Variants in ZNF236 observed in about 807,000 individuals in gnomAD.
The protein encoded by ZNF236 is zinc finger protein 236, also known as regulated by glucose.
Under a neutral mutation model 191.2 loss-of-function variants are expected in ZNF236, and 50 were observed. The observed-to-expected ratio is 0.26, with a 90% CI of 0.21 to 0.33. The LOEUF (loss-of-function observed/expected upper bound fraction) is 0.33. Among genes scored for constraint, ZNF236 ranks in the 10% least tolerant of loss-of-function variants. The probability of loss-of-function intolerance (pLI) is 1.00; values close to 1 mark genes in which losing one functional copy is unlikely to be tolerated. For missense variants in ZNF236, 1,754 were observed against 2,374.5 expected (o/e 0.74, Z 5.43); for synonymous variants, 907 against 928.8 (o/e 0.98, Z 0.43).
chr18:76,969,265 G>A lies in ZNF236; in HGVS notation c.*926G>A, dbSNP rs1455529894. 6.5e-6 allele frequency: 1 copy of A among 152,712 alleles called. No homozygotes were observed. Among genetic ancestry groups the A allele is most frequent in the Non-Finnish European group, 1.5e-5 (1 of 68,170 alleles). The allele number at this position is 152,712 out of a possible 1,614,324, so 9.5% of individuals were successfully genotyped here. On this transcript the variant is annotated 3_prime_UTR_variant, in exon 31 of 31. Coordinates refer to ENST00000320610, the MANE Select transcript of ZNF236 (RefSeq NM_001306089.2). ...ATAAACAGATGTATTTTTGATTTCAGGGAATTCTTTAGTATCGTCAATGGT... is the reference window on the plus strand; with the variant it reads ...ATAAACAGATGTATTTTTGATTTCAAGGAATTCTTTAGTATCGTCAATGGT...
At chr18:76,859,899 G>A (rs1037238291) in intron 3 of ZNF236, among the ~76,000 whole-genome samples, 1 of 152,198 alleles carries the variant, frequency 6.6e-6, no homozygotes, top group African/African-American at 2.4e-5. Flanking sequence ...TCTGCATGGG[G>A]TGCCTATTTT....
rs747119127 is a variant in ZNF236, at chr18:76,871,681, G to GC, written c.543-14dup. The stretch of plus-strand genomic sequence containing the variant: ...AGGGAGACATCTTACTGTGTATTTT[G>GC]CCCCCCTTTATTACACTAGGGTATC... On this transcript the variant is annotated intron_variant, in intron 4 of 30. Transcript: ENST00000320610. 3.4e-5 allele frequency: 55 copies of GC among 1,613,470 alleles called. No individual in the cohort carries two copies. In the East Asian group the frequency reaches 1.2e-3, roughly 35 times the overall value.
chr18:76,852,484 C>G (rs1294410737), intron 3 of ZNF236, among the ~76,000 whole-genome samples: 1 of 151,998 alleles, frequency 6.6e-6, no homozygotes, highest in Non-Finnish European at 1.5e-5. Context: ...ATCTAAGGTG[C>G]CAATGGCTAT....
At chr18:76,858,229 A>G (rs563506624) in intron 3 of ZNF236, among the ~76,000 whole-genome samples, 2 of 152,340 alleles carry the variant, frequency 1.3e-5, no homozygotes, top group South Asian at 4.1e-4. Flanking sequence ...GTATGTAGCG[A>G]TGGCATATTC....
In ZNF236 at chr18:76,913,272, C is replaced by A. The variant is rs1967265922; in HGVS notation, c.2910-475C>A. Among the ~76,000 whole-genome samples, 9 of 152,270 alleles carry A rather than the reference C, an allele frequency of 5.9e-5. No homozygotes were observed. In the South Asian group the frequency reaches 1.9e-3, roughly 32 times the overall value. On this transcript the variant is annotated intron_variant, in intron 17 of 30. Coordinates refer to ENST00000320610, the MANE Select transcript of ZNF236 (RefSeq NM_001306089.2). ...CATATTTATATATTATTCAGCATAACTCCAGTATACTCTGTTTTGTATTTT... is the reference window on the plus strand; with the variant it reads ...CATATTTATATATTATTCAGCATAAATCCAGTATACTCTGTTTTGTATTTT...
At position 76,968,297 on chromosome 18, in the gene ZNF236, G is replaced by T. The variant is rs1968833851; in HGVS notation, c.5502G>T (p.Gln1834His). The change falls in exon 31 of 31, where the codon CAG (glutamine) becomes CAT (histidine). Residue 1834 changes from glutamine to histidine, a missense_variant. By Grantham distance (24) the Gln-to-His change is conservative (BLOSUM62 0). Around this residue, in one of 5 missense-constraint regions of ZNF236, gnomAD observed 606 missense variants for 761.5 expected, o/e 0.80. Transcript: ENST00000320610. The part of the protein sequence containing the change: ...SRTLHLEEVV[Q>H]EAAGEWQALT... ...CCCTCCACCTGGAGGAGGTGGTGCA[G>T]GAGGCCGCCGGCGAGTGGCAGGCCC... The T allele has an allele frequency of 1.9e-6, 3 of 1,610,746 alleles. No individual in the cohort carries two copies. The highest frequency in any genetic ancestry group is 2.5e-6 in the Non-Finnish European group (3 of 1,179,092).
intron 26 of ZNF236, among the ~76,000 whole-genome samples, chr18:76,939,069 G>A (rs1183541094): frequency 6.6e-6 from 1 of 152,162 alleles, no homozygotes; most frequent in Non-Finnish European, 1.5e-5. Flanking sequence ...GCTGGGCGTG[G>A]TGGCTCACAC....
rs1339839831 is a variant in ZNF236, at chr18:76,971,303, TC to T, written c.*2968del. On this transcript the variant is annotated 3_prime_UTR_variant, in exon 31 of 31. Transcript: ENST00000320610. ...CCCACCCCCATCAAGCTCTACTTTT[TC>T]CCCTTTGAAAAACTTGAGGCACTTA... Among the ~76,000 whole-genome samples, 8 of 152,312 alleles carry T rather than the reference TC, an allele frequency of 5.3e-5. No homozygotes were observed. The East Asian group carries it at 1.2e-3, about 22-fold the overall frequency.
intron 6 of ZNF236, 58 bp from the exon 7 acceptor site, chr18:76,877,951 A>G (rs1186349607): frequency 1.5e-6 from 2 of 1,326,194 alleles, no homozygotes; most frequent in Non-Finnish European, 2.1e-6. Context: ...CATAATTTAG[A>G]TGTTTAAATT....
chr18:76,860,039 G>A (rs1233288375), intron 3 of ZNF236, among the ~76,000 whole-genome samples: 1 of 152,170 alleles, frequency 6.6e-6, no homozygotes. Context: ...GCTGGGAGGA[G>A]TGGAGATGGT....
intron 20 of ZNF236, 50 bp from the exon 21 acceptor site, chr18:76,923,021 A>G (rs1451019827): frequency 4.4e-6 from 6 of 1,366,342 alleles, no homozygotes; most frequent in East Asian, 2.3e-5. Flanking sequence ...ATAAATTTCA[A>G]ATCATGAAGT....
At chr18:76,871,988 G>C (rs902892656) in intron 5 of ZNF236, among the ~76,000 whole-genome samples, 163 bp downstream of exon 5, 16 of 152,172 alleles carry the variant, frequency 1.1e-4, no homozygotes, top group African/African-American at 3.6e-4. Context: ...TTCCTCACTT[G>C]AAAAATGTGG....
At position 76,969,440 on chromosome 18, in the gene ZNF236, A is replaced by G. The variant is rs1351571122; in HGVS notation, c.*1101A>G. On this transcript the variant is annotated 3_prime_UTR_variant, in exon 31 of 31. Coordinates refer to ENST00000320610, the MANE Select transcript of ZNF236 (RefSeq NM_001306089.2). ...TTATATGTTCTATATATAAATACAT[A>G]TGTACATAGATATATGGGCCTCTGT... 1 of 152,624 alleles carries G rather than the reference A, an allele frequency of 6.6e-6. No individual in the cohort carries two copies. Among genetic ancestry groups the G allele is most frequent in the Non-Finnish European group, 1.5e-5 (1 of 68,030 alleles). The allele number at this position is 152,624 out of a possible 1,614,324, so 9.5% of individuals were successfully genotyped here. A position where few individuals can be genotyped will look rare whatever the true frequency, so the allele number is the denominator to read the frequency against.
At position 76,925,745 on chromosome 18, in the gene ZNF236, A is replaced by C. The variant is rs1301939459; in HGVS notation, c.4027+191A>C. On this transcript the variant is annotated intron_variant, in intron 22 of 30. Transcript: ENST00000320610. The surrounding 1 kb of genome is among the most constrained non-coding windows in gnomAD (Gnocchi z 5.7). Reference sequence around the variant, plus strand: ...CAGACATTGCTCCTTTCCATTTCGCATTCTGTCTTCCATGCCAGCTGCTTT... The same window carrying C: ...CAGACATTGCTCCTTTCCATTTCGCCTTCTGTCTTCCATGCCAGCTGCTTT... Among the ~76,000 whole-genome samples the C allele has an allele frequency of 6.6e-6, 1 of 152,216 alleles. No homozygotes were observed. Among genetic ancestry groups the C allele is most frequent in the Non-Finnish European group, 1.5e-5 (1 of 68,046 alleles).
At chr18:76,833,344 G>A (rs1009861458) in intron 1 of ZNF236, among the ~76,000 whole-genome samples, 2 of 152,088 alleles carry the variant, frequency 1.3e-5, no homozygotes, top group East Asian at 1.9e-4. Flanking sequence ...CTTTTGGGGG[G>A]TGGAGGTAGA....
Position 76,912,900 on chromosome 18 carries a change from G to C in ZNF236, c.2909+553G>C, listed in dbSNP as rs540135082. ...ACTCCTGACCTCAGGTGATCCACCT[G>C]CATCGGCCTCCCAAAGTGCTGGGAT... On this transcript the variant is annotated intron_variant, in intron 17 of 30. Coordinates refer to ENST00000320610, the MANE Select transcript of ZNF236 (RefSeq NM_001306089.2). Among the ~76,000 whole-genome samples, 4 of 152,318 alleles carry C rather than the reference G, an allele frequency of 2.6e-5. No individual in the cohort carries two copies. In the South Asian group the frequency reaches 8.3e-4, roughly 32 times the overall value.
chr18:76,925,369 A>C lies in ZNF236; in HGVS notation c.3842A>C (p.Lys1281Thr). 1 of 1,614,212 alleles carries C rather than the reference A, an allele frequency of 6.2e-7. No homozygotes were observed. The highest frequency in any genetic ancestry group is 8.5e-7 in the Non-Finnish European group (1 of 1,180,052). ...CAGTTTCATTATAAACCAGACCCAA[A>C]GAAGGCCAGAAAGCCTATGACTCGA... is the stretch of plus-strand genomic sequence containing the variant. ...HMQFHYKPDP[K>T]KARKPMTRSS... The change falls in exon 22 of 31, where the codon AAG becomes ACG. Residue 1281 changes from lysine to threonine, a missense_variant. Coordinates refer to ENST00000320610, the MANE Select transcript of ZNF236 (RefSeq NM_001306089.2). This position sits in a 1 kb window ranked among gnomAD's most constrained non-coding sequence, Gnocchi z 5.7.
chr18:76,918,204 G>A (rs188135324), intron 19 of ZNF236, among the ~76,000 whole-genome samples: 2 of 151,832 alleles, frequency 1.3e-5, no homozygotes, highest in African/African-American at 2.4e-5. Context: ...ATTGGAATGC[G>A]TCCTTATTTT....
chr18:76,832,794 T>C (rs997284720), intron 1 of ZNF236, among the ~76,000 whole-genome samples: 1 of 152,222 alleles, frequency 6.6e-6, no homozygotes, highest in African/African-American at 2.4e-5. Context: ...CAAATTATAT[T>C]GACTCTATAG....
Sources: gnomAD v4.1 joint callset for allele counts (sites outside exome capture counted in the v4.1 genomes callset) on GRCh38, gnomAD v4.1.1 for gene constraint, gnomAD v4.1.1 regional missense constraint, Gnocchi (gnomAD v3.1) non-coding constraint, MANE v1.5 for transcripts, NCBI Gene and HGNC (gene_info 2026-07-23, HGNC 2026-07-21) for gene names.